Variants in KIAA1755 observed in about 807,000 individuals in gnomAD.
KIAA1755 encodes the protein uncharacterized protein KIAA1755.
Under a neutral mutation model 91.7 loss-of-function variants are expected in KIAA1755, and 68 were observed. The ratio of observed to expected loss-of-function variants is 0.74; its 90% CI spans 0.61 to 0.91. The LOEUF (loss-of-function observed/expected upper bound fraction) is 0.91, where lower values mean the gene tolerates loss of function less well. Ranked by LOEUF, KIAA1755 falls within the 40% of genes least tolerant of loss-of-function variation. The pLI, the probability that KIAA1755 is intolerant of heterozygous loss-of-function variation, is 0.00. For missense variants in KIAA1755, 1,535 were observed against 1,494.4 expected (o/e 1.03, Z -0.45); for synonymous variants, 610 against 604.6 (o/e 1.01, Z -0.13).
At chr20:38,219,423 G>A (rs1367023602) in intron 11 of KIAA1755, among the ~76,000 whole-genome samples, 4 of 152,210 alleles carry the variant, frequency 2.6e-5, no homozygotes, top group African/African-American at 9.6e-5. Flanking sequence ...CAGCTCTTGG[G>A]GCTATGTTTT....
intron 1 of KIAA1755, among the ~76,000 whole-genome samples, chr20:38,248,681 T>TTTATTATTA (rs139229061): frequency 0.13 from 18,322 of 144,666 alleles, 1,359 homozygotes; most frequent in Non-Finnish European, 0.17. Flanking sequence ...TTGTCTTCTC[T>TTTATTATTA]TTATTATTAT....
chr20:38,227,194 T>G lies in KIAA1755; in HGVS notation c.2012A>C (p.Lys671Thr), dbSNP rs1196728632. 6.2e-7 allele frequency: 1 copy of G among 1,613,912 alleles called. No homozygotes were observed. Among genetic ancestry groups the G allele is most frequent in the Non-Finnish European group, 8.5e-7 (1 of 1,179,890 alleles). The change falls in exon 7 of 14, where the codon AAG becomes ACG. Residue 671 changes from lysine (K) to threonine (T), a missense_variant. Lys to Thr is a moderately conservative substitution (Grantham distance 78). Transcript: ENST00000279024. ...TGTCTGCAGCTGGAGAGCCGCCTCC[T>G]TCTCCCCCAGGAAGAGAATAGCCCG... ...SIRAILFLGE[K>T]EAALQLQTLP...
Position 38,231,343 on chromosome 20 carries a change from C to A in KIAA1755, c.1748-18G>T. The A allele has an allele frequency of 6.3e-7, 1 of 1,598,124 alleles. No individual in the cohort carries two copies. Among genetic ancestry groups the A allele is most frequent in the South Asian group, 1.1e-5 (1 of 88,530 alleles). The stretch of plus-strand genomic sequence containing the variant: ...CCGGCCACCTGGAGGACAGAGGGCA[C>A]ACGTGAGCAGTGAGAACTTGTGGGG... On this transcript the variant is annotated intron_variant, in intron 4 of 13. Coordinates refer to ENST00000279024, the MANE Select transcript of KIAA1755 (RefSeq NM_001029864.2).
Position 38,212,898 on chromosome 20 carries a change from C to G in KIAA1755, c.*144G>C. Reference sequence around the variant, plus strand: ...TGGAGCCAGGGGCAGGTCGACAGTTCTCATCCTCCCAGCAGAGGCAGAATG... The same window carrying G: ...TGGAGCCAGGGGCAGGTCGACAGTTGTCATCCTCCCAGCAGAGGCAGAATG... On this transcript the variant is annotated 3_prime_UTR_variant, in exon 14 of 14. Coordinates refer to ENST00000279024, the MANE Select transcript of KIAA1755 (RefSeq NM_001029864.2). 1.6e-6 allele frequency: 1 copy of G among 643,342 alleles called. No individual in the cohort carries two copies. The highest frequency in any genetic ancestry group is 2.7e-5 in the South Asian group (1 of 36,584). The allele number at this position is 643,342 out of a possible 1,614,324, so 39.9% of individuals were successfully genotyped here. A position where few individuals can be genotyped will look rare whatever the true frequency, so the allele number is the denominator to read the frequency against.
intron 2 of KIAA1755, 129 bp downstream of exon 2, chr20:38,245,800 A>G (rs1248768497): frequency 2.6e-6 from 2 of 778,546 alleles, no homozygotes; most frequent in Non-Finnish European, 4.2e-6. Context: ...GATACTTGGA[A>G]AGTCCCCCCA....
chr20:38,217,295 C>G lies in KIAA1755; in HGVS notation c.2859G>C (p.Thr953=). 1.2e-6 allele frequency: 2 copies of G among 1,607,728 alleles called. No homozygotes were observed. Among genetic ancestry groups the G allele is most frequent in the Admixed American group, 1.7e-5 (1 of 59,004 alleles). ...HFYMAAERQR[T]DLETLLHLHR... ...GCAGGTGGAGCAGCGTCTCGAGGTCCGTGCGTTGCCGCTCGGCCGCCATGT... is the reference window on the plus strand; with the variant it reads ...GCAGGTGGAGCAGCGTCTCGAGGTCGGTGCGTTGCCGCTCGGCCGCCATGT... The change falls in exon 13 of 14, where the codon ACG becomes ACC. Residue 953 remains threonine (T), a synonymous_variant. Transcript: ENST00000279024.
chr20:38,224,464 T>A (rs1351403638), intron 8 of KIAA1755, among the ~76,000 whole-genome samples: 1 of 152,174 alleles, frequency 6.6e-6, no homozygotes, highest in Non-Finnish European at 1.5e-5. Flanking sequence ...TTTAAAAAGA[T>A]CACTTGGGCA....
At chr20:38,230,050 T>C (rs1180661328) in intron 5 of KIAA1755, among the ~76,000 whole-genome samples, 1 of 152,172 alleles carries the variant, frequency 6.6e-6, no homozygotes. Context: ...GACCTCTAGG[T>C]TGAGTTGGGG....
rs773386565 is a variant in KIAA1755, at chr20:38,240,774, G to A, written c.1357C>T (p.Pro453Ser). 72 of 1,604,034 alleles carry A rather than the reference G, an allele frequency of 4.5e-5. No homozygotes were observed. The highest frequency in any genetic ancestry group is 6.0e-5 in the Non-Finnish European group (70 of 1,174,952). The change falls in exon 3 of 14, where the codon CCC (proline) becomes TCC (serine). Residue 453 changes from proline to serine, a missense_variant. By Grantham distance (74) the Pro-to-Ser change is moderately conservative. Transcript: ENST00000279024. Reference sequence around the variant, plus strand: ...GTGTTTCTGCTAGGGCAGGGCATGGGCTTGGGAAGTCTCCCATTTCTCTCT... The same window carrying A: ...GTGTTTCTGCTAGGGCAGGGCATGGACTTGGGAAGTCTCCCATTTCTCTCT... ...TKERNGRLPK[P>S]MPCPSRNTSS... is the part of the protein sequence containing the mutation.
In KIAA1755 at chr20:38,223,537, C is replaced by A. The variant is rs753388316; in HGVS notation, c.2268+1G>T. ...CCCCAGTCACCATGCTCCAGGCTCA[C>A]CTGCATCCCCCCAGGGGGGTCGGCC... On this transcript the variant is annotated splice_donor_variant, in intron 9 of 13. Coordinates refer to ENST00000279024, the MANE Select transcript of KIAA1755 (RefSeq NM_001029864.2). LOFTEE classifies it high-confidence loss of function. 1 of 1,576,392 alleles carries A rather than the reference C, an allele frequency of 6.3e-7. No homozygotes were observed. The highest frequency in any genetic ancestry group is 1.9e-5 in the Admixed American group (1 of 51,770).
intron 1 of KIAA1755, among the ~76,000 whole-genome samples, chr20:38,247,228 A>G (rs148981085): frequency 0.012 from 1,861 of 152,114 alleles, 42 homozygotes; most frequent in African/African-American, 0.042. Flanking sequence ...AAAGGTTCCC[A>G]CCGTCTTCAG....
At chr20:38,240,546 A>T in intron 3 of KIAA1755, 36 bp downstream of exon 3, 1 of 1,448,856 alleles carries the variant, frequency 6.9e-7, no homozygotes, top group South Asian at 1.7e-5. Context: ...ACCAGACAAT[A>T]ACCTCCTTGT....
intron 12 of KIAA1755, 39 bp downstream of exon 12, chr20:38,218,205 A>C (rs748106029): frequency 1.2e-6 from 2 of 1,613,180 alleles, no homozygotes; most frequent in South Asian, 1.1e-5. Flanking sequence ...CGCCCTCTCC[A>C]TCTGCTCCAG....
At chr20:38,243,183 T>C (rs1407193686) in intron 2 of KIAA1755, among the ~76,000 whole-genome samples, 3 of 152,232 alleles carry the variant, frequency 2.0e-5, no homozygotes, top group Admixed American at 2.0e-4. Context: ...TGGATGTGTG[T>C]AGGGGAGATG....
chr20:38,219,964 C>T (rs940681925), intron 10 of KIAA1755, among the ~76,000 whole-genome samples, 196 bp from the exon 11 acceptor site: 4 of 152,200 alleles, frequency 2.6e-5, no homozygotes, highest in African/African-American at 9.7e-5. Flanking sequence ...GACAAGAGAA[C>T]ACAGTAGGAA....
At chr20:38,238,204 G>T (rs567327706) in intron 4 of KIAA1755, among the ~76,000 whole-genome samples, 1 of 152,184 alleles carries the variant, frequency 6.6e-6, no homozygotes, top group Non-Finnish European at 1.5e-5. Flanking sequence ...CTTGGCCCAT[G>T]ATGGCCCTAA....
Position 38,241,799 on chromosome 20 carries a change from G to A in KIAA1755, c.332C>T (p.Pro111Leu), listed in dbSNP as rs1280207788. ...GATGCAGACAGACTGCTCCTCCTGG[G>A]GCTCCACTTGGAGGTAGAAGTCACC... Reference protein sequence around the residue: ...RQGDFYLQVEPQEEQSVCIMI... With the variant: ...RQGDFYLQVELQEEQSVCIMI... Residue 111 changes from proline to leucine, a missense_variant, in exon 3 of 14, where the codon CCC becomes CTC. Pro to Leu is a moderately conservative substitution (Grantham distance 98). Coordinates refer to ENST00000279024, the MANE Select transcript of KIAA1755 (RefSeq NM_001029864.2). The A allele has an allele frequency of 1.2e-6, 2 of 1,614,168 alleles. No homozygotes were observed. Among genetic ancestry groups the A allele is most frequent in the Non-Finnish European group, 8.5e-7 (1 of 1,180,022 alleles).
chr20:38,219,476 C>T (rs1340084612), intron 11 of KIAA1755, among the ~76,000 whole-genome samples, 154 bp downstream of exon 11: 1 of 152,206 alleles, frequency 6.6e-6, no homozygotes, highest in East Asian at 1.9e-4. Flanking sequence ...TGTGCTACGC[C>T]CCAAGGATGC....
chr20:38,249,036 T>C (rs949206431), intron 1 of KIAA1755, among the ~76,000 whole-genome samples: 44 of 151,842 alleles, frequency 2.9e-4, no homozygotes, highest in African/African-American at 1.0e-3. Context: ...CCACCATGCC[T>C]AGCTAATTTT....
Sources: gnomAD v4.1 joint callset for allele counts (sites outside exome capture counted in the v4.1 genomes callset) on GRCh38, gnomAD v4.1.1 for gene constraint, MANE v1.5 for transcripts, NCBI Gene and HGNC (gene_info 2026-07-23, HGNC 2026-07-21) for gene names.